Variants in CBX5 observed in about 807,000 individuals in gnomAD.
The protein encoded by CBX5 is chromobox 5.
CBX5 carries 7 observed loss-of-function variants against 20.7 expected under a neutral mutation model. That is an observed-to-expected ratio of 0.34 (90% CI 0.19 to 0.63). The LOEUF is 0.63. Ranked by LOEUF, CBX5 falls within the 30% of genes least tolerant of loss-of-function variation. The probability of loss-of-function intolerance (pLI) is 0.75; values close to 1 mark genes in which losing one functional copy is unlikely to be tolerated. For missense variants in CBX5, 110 were observed against 224.1 expected, an observed-to-expected ratio of 0.49 and a Z score of 3.25; for synonymous variants, 78 against 77.0, an observed-to-expected ratio of 1.01 and a Z score of -0.07.
At chr12:54,270,614 C>T (rs1944000042) in intron 1 of CBX5, among the ~76,000 whole-genome samples, 1 of 152,156 alleles carries the variant, frequency 6.6e-6, no homozygotes, top group African/African-American at 2.4e-5. Context: ...CATTTTCATT[C>T]AGTTCCAAGT....
intron 1 of CBX5, chr12:54,278,798 G>C (rs1944096365): frequency 6.6e-6 from 1 of 152,124 alleles, no homozygotes; most frequent in Admixed American, 6.6e-5. Flanking sequence ...TACCCTCTTT[G>C]TTTCTTTTTT....
At chr12:54,254,145 C>T (rs1235552507) in intron 2 of CBX5, among the ~76,000 whole-genome samples, 1 of 151,888 alleles carries the variant, frequency 6.6e-6, no homozygotes, top group East Asian at 1.9e-4. Context: ...GGCACGGTGG[C>T]TCATGCGTGT....
chr12:54,278,783 A>T (rs1015182021), intron 1 of CBX5: 1 of 152,246 alleles, frequency 6.6e-6, no homozygotes, highest in African/African-American at 2.4e-5. Context: ...CAGAACCCTA[A>T]ATATTACCCT....
chr12:54,241,858 A>C lies in CBX5; in HGVS notation c.473T>G (p.Val158Gly). 1 of 1,613,954 alleles carries C rather than the reference A, an allele frequency of 6.2e-7. No homozygotes were observed. Among genetic ancestry groups the C allele is most frequent in the Non-Finnish European group, 8.5e-7 (1 of 1,179,980 alleles). The change falls in exon 5 of 5, where the codon GTG becomes GGG. Residue 158 changes from valine to glycine, a missense_variant. Around this residue, in one of 3 missense-constraint regions of CBX5, gnomAD observed 31 missense variants for 84.9 expected, o/e 0.37. Coordinates refer to ENST00000209875, the MANE Select transcript of CBX5 (RefSeq NM_012117.3). ...ADLVLAKEANVKCPQIVIAFY... is the reference protein window; with the variant it reads ...ADLVLAKEANGKCPQIVIAFY... ...TGCTATCACAATTTGTGGACATTTC[A>C]CATTAGCTTCTTTTGCAAGAACCAG...
chr12:54,242,543 A>C (rs1261775164), intron 4 of CBX5, among the ~76,000 whole-genome samples: 1 of 151,198 alleles, frequency 6.6e-6, no homozygotes, highest in African/African-American at 2.4e-5. Flanking sequence ...AAAAAAAAAA[A>C]ACCTACATTC....
intron 2 of CBX5, among the ~76,000 whole-genome samples, chr12:54,253,222 C>G (rs1250944544): frequency 6.6e-6 from 1 of 151,898 alleles, no homozygotes; most frequent in African/African-American, 2.4e-5. Context: ...CGAGACCAGC[C>G]TGGTCAATAT....
intron 1 of CBX5, among the ~76,000 whole-genome samples, chr12:54,268,623 G>A (rs903932018): frequency 1.3e-5 from 2 of 152,044 alleles, no homozygotes; most frequent in Non-Finnish European, 2.9e-5. Flanking sequence ...ATTTATTGAG[G>A]GCCTAAAAAG....
chr12:54,246,307 T>C (rs1455048364), intron 3 of CBX5, 92 bp from the exon 4 acceptor site: 2 of 878,226 alleles, frequency 2.3e-6, no homozygotes, highest in Non-Finnish European at 3.6e-6. Flanking sequence ...CCTAAGTTAA[T>C]ATCTCCTGAT....
At chr12:54,279,702 G>C (rs1268851297) in intron 1 of CBX5, among the ~76,000 whole-genome samples, 5 of 152,160 alleles carry the variant, frequency 3.3e-5, no homozygotes, top group Non-Finnish European at 7.3e-5. Context: ...CTGGCTCAGT[G>C]AGACGCTGCT....
chr12:54,259,862 A>G (rs1179396241), intron 1 of CBX5, among the ~76,000 whole-genome samples: 2 of 152,210 alleles, frequency 1.3e-5, no homozygotes, highest in Admixed American at 6.5e-5. Flanking sequence ...GAATTAATCA[A>G]TAACATTTTA....
chr12:54,274,755 C>T (rs1281768873), intron 1 of CBX5, among the ~76,000 whole-genome samples: 2 of 151,964 alleles, frequency 1.3e-5, no homozygotes, highest in East Asian at 1.9e-4. Context: ...CTGGCTAACA[C>T]GGTGAAATCC....
In CBX5 at chr12:54,250,811, C is replaced by CAAAAAAAAA. The variant is rs1164585269; in HGVS notation, c.324+1221_324+1229dup. 2.3e-3 allele frequency among the ~76,000 whole-genome samples: 91 copies of CAAAAAAAAA among 39,348 alleles called. 1 individual carries two copies. The highest frequency in any genetic ancestry group is 3.5e-3 in the East Asian group (4 of 1,144). The allele number at this position is 39,348 out of a possible 152,430, so 25.8% of individuals were successfully genotyped here. On this transcript the variant is annotated intron_variant, in intron 3 of 4. Coordinates refer to ENST00000209875, the MANE Select transcript of CBX5 (RefSeq NM_012117.3). ...TGTGCGACAGAGCGAGACTCCGTCT[C>CAAAAAAAAA]AAAAAAAAAAAAAAAAAAAAAAAAA...
intron 2 of CBX5, among the ~76,000 whole-genome samples, chr12:54,252,979 C>CAAAAAAAAA (rs757909869): frequency 4.2e-5 from 2 of 47,272 alleles, no homozygotes; most frequent in East Asian, 6.1e-4. Flanking sequence ...GACTCTGTCT[C>CAAAAAAAAA]AAAAAAAAAA....
At position 54,268,000 on chromosome 12, in the gene CBX5, C is replaced by G. The variant is rs1049132851; in HGVS notation, c.-42-10308G>C. ...CTCTACCAAAAATACAAACATTAGT[C>G]AGGCGTGGTGGTGGGCGCCTGTAAT... On this transcript the variant is annotated intron_variant, in intron 1 of 4. Coordinates refer to ENST00000209875, the MANE Select transcript of CBX5 (RefSeq NM_012117.3). Among the ~76,000 whole-genome samples the G allele has an allele frequency of 5.3e-5, 8 of 152,126 alleles. No homozygotes were observed. The East Asian group carries it at 1.5e-3, about 29-fold the overall frequency.
Position 54,241,788 on chromosome 12 carries a change from C to T in CBX5, c.543G>A (p.Ala181=), listed in dbSNP as rs143171693. Residue 181 remains alanine, a synonymous_variant, in exon 5 of 5, where the codon GCG becomes GCA. Coordinates refer to ENST00000209875, the MANE Select transcript of CBX5 (RefSeq NM_012117.3). ...TTGCTGTTTCTTTCTCTTTGTTTTC[C>T]GCATCCTCAGGATATGCATGCCATG... ...RLTWHAYPED[A]ENKEKETAKS is the part of the protein sequence containing the mutation. 20 of 1,612,154 alleles carry T rather than the reference C, an allele frequency of 1.2e-5. No homozygotes were observed. The highest frequency in any genetic ancestry group is 6.7e-5 in the African/African-American group (5 of 74,782).
chr12:54,262,033 A>G (rs931488052), intron 1 of CBX5, among the ~76,000 whole-genome samples: 1 of 152,242 alleles, frequency 6.6e-6, no homozygotes, highest in African/African-American at 2.4e-5. Flanking sequence ...ATTAGTAGAT[A>G]GCAAGAAAAA....
rs573433467 is a variant in CBX5 at position 54,246,234 on chromosome 12, G to A, written c.325-19C>T. 1.3e-6 allele frequency: 2 copies of A among 1,570,610 alleles called. No individual in the cohort carries two copies. Among genetic ancestry groups the A allele is most frequent in the South Asian group, 1.1e-5 (1 of 90,044 alleles). Reference sequence around the variant, plus strand: ...TGCTCTGCTATAAATAGAAGATAAAGAAAGGTTACAGCTTGTGGAAAGAGT... The same window carrying A: ...TGCTCTGCTATAAATAGAAGATAAAAAAAGGTTACAGCTTGTGGAAAGAGT... On this transcript the variant is annotated intron_variant, in intron 3 of 4. Transcript: ENST00000209875.
intron 1 of CBX5, among the ~76,000 whole-genome samples, chr12:54,260,761 G>GTT (rs1303436991): frequency 6.6e-6 from 1 of 152,162 alleles, no homozygotes; most frequent in Non-Finnish European, 1.5e-5. Flanking sequence ...TTGAAATACT[G>GTT]TAAGTTTTCC....
At chr12:54,256,471 G>A (rs189412930) in intron 2 of CBX5, among the ~76,000 whole-genome samples, 1 of 152,262 alleles carries the variant, frequency 6.6e-6, no homozygotes, top group East Asian at 1.9e-4. Context: ...TGTTTCAAAG[G>A]TTCTTGACAC....
Sources: allele counts gnomAD v4.1 joint callset (sites outside exome capture counted in the v4.1 genomes callset), GRCh38; gene constraint gnomAD v4.1.1; regional missense constraint gnomAD v4.1.1; transcripts MANE v1.5; gene names NCBI Gene and HGNC (gene_info 2026-07-23, HGNC 2026-07-21).